FSTL5: variants seen among roughly 807,000 people sequenced by gnomAD.
FSTL5 encodes follistatin like 5.
Under a neutral mutation model 89.1 loss-of-function variants are expected in FSTL5, and 62 were observed. The observed-to-expected ratio is 0.70, with a 90% confidence interval of 0.57 to 0.86. FSTL5 has a LOEUF of 0.86. Among genes scored for constraint, FSTL5 ranks in the 40% least tolerant of loss-of-function variants. The pLI is 0.00. For missense variants in FSTL5, 1,057 were observed against 1,001.6 expected (o/e 1.06, Z -0.75); for synonymous variants, 383 against 346.2 (o/e 1.11, Z -1.18).
At chr4:161,743,921 T>A (rs924353979) in intron 6 of FSTL5, among the ~76,000 whole-genome samples, 29 of 152,320 alleles carry the variant, frequency 1.9e-4, no homozygotes, top group African/African-American at 6.7e-4. Context: ...AAACAAAATG[T>A]AGCAGAATTT....
intron 15 of FSTL5, among the ~76,000 whole-genome samples, chr4:161,435,035 G>T (rs2126350583): frequency 6.6e-6 from 1 of 152,100 alleles, no homozygotes; most frequent in African/African-American, 2.4e-5. Context: ...AAAACTAAAA[G>T]TAGAGTTACC....
chr4:161,965,340 G>C (rs1030030391), intron 3 of FSTL5, among the ~76,000 whole-genome samples: 1 of 152,038 alleles, frequency 6.6e-6, no homozygotes, highest in Non-Finnish European at 1.5e-5. Context: ...ACCCCACTTT[G>C]GAAGAAGCCC....
At position 161,386,255 on chromosome 4, in the gene FSTL5, A is replaced by T; in HGVS notation, c.2036T>A (p.Val679Glu). Residue 679 changes from valine (V) to glutamate (E), a missense_variant, in exon 16 of 16, where the codon GTG (valine) becomes GAG (glutamate). Physicochemically the swap from Val to Glu is moderately radical, Grantham distance 121 (BLOSUM62 -2). Around this residue, in one of 3 missense-constraint regions of FSTL5, gnomAD observed 980 missense variants for 903.2 expected, o/e 1.08. Coordinates refer to ENST00000306100, the MANE Select transcript of FSTL5 (RefSeq NM_020116.5). The part of the protein sequence containing the change: ...STGAVSPQVM[V>E]DGVTDSVIGF... The stretch of plus-strand genomic sequence containing the variant: ...AATGACTGAGTCAGTTACACCGTCC[A>T]CCATGACCTGTGGGGAAACTGCTCC... The T allele has an allele frequency of 6.2e-7, 1 of 1,614,046 alleles. No individual in the cohort carries two copies. The highest frequency in any genetic ancestry group is 8.5e-7 in the Non-Finnish European group (1 of 1,179,966).
At chr4:162,140,393 A>T (rs72986967) in intron 1 of FSTL5, among the ~76,000 whole-genome samples, 7 of 150,146 alleles carry the variant, frequency 4.7e-5, no homozygotes, top group Non-Finnish European at 8.9e-5. Context: ...TTAGTGGATA[A>T]GGAAACTTTG....
chr4:161,991,655 G>T (rs116361848), intron 3 of FSTL5, among the ~76,000 whole-genome samples: 2,702 of 152,184 alleles, frequency 0.018, 34 homozygotes, highest in Non-Finnish European at 0.026. Context: ...GCAGAGGGCC[G>T]GTTTTTCATA....
intron 6 of FSTL5, among the ~76,000 whole-genome samples, chr4:161,719,050 A>G (rs1485540860): frequency 6.6e-6 from 1 of 152,238 alleles, no homozygotes; most frequent in Non-Finnish European, 1.5e-5. Flanking sequence ...TAATTAATAT[A>G]CAAACTTTCA....
At chr4:162,163,465 TAATAGTA>T (rs1561054115) in intron 1 of FSTL5, 143 bp downstream of exon 1, 18 of 131,298 alleles carry the variant, frequency 1.4e-4, no homozygotes, top group Admixed American at 6.2e-4. Flanking sequence ...ATAATAATAA[TAATAGTA>T]ATTATTAAAA....
intron 6 of FSTL5, among the ~76,000 whole-genome samples, chr4:161,726,469 C>G (rs1042283134): frequency 6.6e-6 from 1 of 151,826 alleles, no homozygotes; most frequent in African/African-American, 2.4e-5. Context: ...CTCAAGTGGT[C>G]CGCCCACCTC....
intron 6 of FSTL5, among the ~76,000 whole-genome samples, chr4:161,738,712 A>G (rs1451147713): frequency 6.6e-6 from 1 of 152,174 alleles, no homozygotes; most frequent in Non-Finnish European, 1.5e-5. Context: ...ATAATGCTTC[A>G]CATACTTGGA....
chr4:161,896,163 G>A (rs1439680663), intron 4 of FSTL5, among the ~76,000 whole-genome samples: 1 of 152,084 alleles, frequency 6.6e-6, no homozygotes, highest in Non-Finnish European at 1.5e-5. Context: ...CAAAACGACT[G>A]CCAATAACTA....
chr4:162,102,585 AAT>A (rs1254133608), intron 2 of FSTL5, among the ~76,000 whole-genome samples: 2 of 146,314 alleles, frequency 1.4e-5, no homozygotes, highest in Non-Finnish European at 3.0e-5. Flanking sequence ...ATATATATAA[AAT>A]AGATATATAT....
chr4:161,983,520 A>G (rs1400489470), intron 3 of FSTL5, among the ~76,000 whole-genome samples: 2 of 152,186 alleles, frequency 1.3e-5, no homozygotes, highest in Non-Finnish European at 1.5e-5. Flanking sequence ...TGAAGTATAA[A>G]TTAGAGGAAT....
chr4:161,427,240 A>G (rs1732195184), intron 15 of FSTL5, among the ~76,000 whole-genome samples: 2 of 152,234 alleles, frequency 1.3e-5, no homozygotes, highest in African/African-American at 4.8e-5. Context: ...CTTCTGTAGC[A>G]GCCATATTAT....
chr4:161,595,588 A>T (rs1733987083), intron 7 of FSTL5, among the ~76,000 whole-genome samples: 1 of 152,108 alleles, frequency 6.6e-6, no homozygotes, highest in Admixed American at 6.6e-5. Flanking sequence ...AATTGCGAAA[A>T]TTTTTCTGGC....
intron 1 of FSTL5, among the ~76,000 whole-genome samples, chr4:162,116,537 T>C (rs1731647641): frequency 6.6e-6 from 1 of 152,150 alleles, no homozygotes; most frequent in South Asian, 2.1e-4. Flanking sequence ...AGGCAGGAAT[T>C]TGTAGCTAAT....
intron 7 of FSTL5, among the ~76,000 whole-genome samples, chr4:161,597,369 T>C (rs1462816487): frequency 6.7e-6 from 1 of 149,460 alleles, no homozygotes; most frequent in Non-Finnish European, 1.5e-5. Flanking sequence ...CTCAGCAAAC[T>C]ATCCCAAGGA....
chr4:162,029,957 G>A (rs1476320145), intron 3 of FSTL5, among the ~76,000 whole-genome samples: 1 of 150,674 alleles, frequency 6.6e-6, no homozygotes, highest in Admixed American at 6.6e-5. Context: ...TGTCACCCAG[G>A]CTGGAGTGCA....
Position 161,809,485 on chromosome 4 carries a change from T to C in FSTL5, c.410-33411A>G, listed in dbSNP as rs974455997. Among the ~76,000 whole-genome samples the C allele has an allele frequency of 3.3e-5, 5 of 152,190 alleles. 1 individual carries two copies. Among genetic ancestry groups the C allele is most frequent in the Admixed American group, 2.0e-4 (3 of 15,270 alleles). On this transcript the variant is annotated intron_variant, in intron 4 of 15. Coordinates refer to ENST00000306100, the MANE Select transcript of FSTL5 (RefSeq NM_020116.5). ...GATCCAGCAATTTCACTTCCGGTCA[T>C]ACAGTATTTCCAAAAAGATTGAAAG...
At chr4:161,848,028 C>A (rs1177217307) in intron 4 of FSTL5, among the ~76,000 whole-genome samples, 1 of 106,720 alleles carries the variant, frequency 9.4e-6, no homozygotes, top group South Asian at 3.7e-4. Context: ...AAGAGCAAGA[C>A]TCCGTCTCAA....
Sources: allele counts gnomAD v4.1 joint callset (sites outside exome capture counted in the v4.1 genomes callset), GRCh38; gene constraint gnomAD v4.1.1; regional missense constraint gnomAD v4.1.1; transcripts MANE v1.5; gene names NCBI Gene and HGNC (gene_info 2026-07-23, HGNC 2026-07-21).